The following MAPKAP1 variants were observed in gnomAD, a reference collection of about 807,000 sequenced individuals.
MAPKAP1 encodes the protein target of rapamycin complex 2 subunit MAPKAP1.
A neutral mutation model predicts 65.7 loss-of-function variants in MAPKAP1; 20 were observed. That is an observed-to-expected ratio of 0.30 (90% CI 0.21 to 0.44). The LOEUF is 0.44. Ranked by LOEUF, MAPKAP1 falls within the 20% of genes least tolerant of loss-of-function variation. MAPKAP1 has a pLI of 1.00. For missense variants in MAPKAP1, 423 were observed against 648.0 expected (o/e 0.65, Z 3.77); for synonymous variants, 222 against 244.3 (o/e 0.91, Z 0.85).
At position 125,577,836 on chromosome 9, in the gene MAPKAP1, C is replaced by T. The variant is rs910148270; in HGVS notation, c.671+7719G>A. 2.0e-4 allele frequency among the ~76,000 whole-genome samples: 30 copies of T among 150,732 alleles called. No homozygotes were observed. In the Middle Eastern group the frequency reaches 0.01, roughly 52 times the overall value. On this transcript the variant is annotated intron_variant, in intron 5 of 11. Coordinates refer to ENST00000265960, the MANE Select transcript of MAPKAP1 (RefSeq NM_001006617.3). ...GGGGTCAGCCCCCGGCCCGGCCAAC[C>T]GCCCCGTCCGGGAGCTGAGGGGCGC...
intron 9 of MAPKAP1, among the ~76,000 whole-genome samples, chr9:125,478,757 G>A (rs900415111): frequency 6.6e-6 from 1 of 152,124 alleles, no homozygotes; most frequent in Non-Finnish European, 1.5e-5. Context: ...ACTGAGGTGT[G>A]GGAGAGTTGG....
intron 8 of MAPKAP1, among the ~76,000 whole-genome samples, chr9:125,501,055 A>G (rs754375311): frequency 6.6e-6 from 1 of 152,284 alleles, no homozygotes; most frequent in Non-Finnish European, 1.5e-5. Context: ...TGTCACAAGG[A>G]TTGTTACACT....
At chr9:125,553,808 C>A (rs573829) in intron 6 of MAPKAP1, among the ~76,000 whole-genome samples, 1 of 152,136 alleles carries the variant, frequency 6.6e-6, no homozygotes, top group Non-Finnish European at 1.5e-5. Context: ...AAGCTGAGGT[C>A]AGCAGATCAC....
chr9:125,705,814 G>GA (rs1458836688), intron 1 of MAPKAP1, among the ~76,000 whole-genome samples: 1 of 152,152 alleles, frequency 6.6e-6, no homozygotes, highest in Non-Finnish European at 1.5e-5. Flanking sequence ...GCAAGGTAGG[G>GA]AGAATGTTCT....
chr9:125,438,725 AG>A lies in MAPKAP1; in HGVS notation c.*161del. Reference sequence around the variant, plus strand: ...GGCAATGTCCCCAGCGCTCCCTCCTAGGGGGCCCCCGACACCTTCCCCGAGA... The same window carrying A: ...GGCAATGTCCCCAGCGCTCCCTCCTAGGGGCCCCCGACACCTTCCCCGAGA... On this transcript the variant is annotated 3_prime_UTR_variant, in exon 12 of 12. Transcript: ENST00000265960. The A allele has an allele frequency of 2.3e-6, 2 of 854,940 alleles. No homozygotes were observed. The highest frequency in any genetic ancestry group is 3.6e-6 in the Non-Finnish European group (2 of 552,680). The allele number at this position is 854,940 out of a possible 1,614,324, so 53.0% of individuals were successfully genotyped here. A position where few individuals can be genotyped will look rare whatever the true frequency, so the allele number is the denominator to read the frequency against.
Position 125,660,614 on chromosome 9 carries a change from T to C in MAPKAP1, c.350-2815A>G, listed in dbSNP as rs142765372. 1.3e-3 allele frequency among the ~76,000 whole-genome samples: 196 copies of C among 152,286 alleles called. 1 individual carries two copies. The highest frequency in any genetic ancestry group is 4.5e-3 in the African/African-American group (189 of 41,546). ...GTGTTACCTATCCATAACCAAACTC[T>C]TGATCTTTCCCCAAAGCTCCCACTC... is the stretch of plus-strand genomic sequence containing the variant. On this transcript the variant is annotated intron_variant, in intron 3 of 11. Coordinates refer to ENST00000265960, the MANE Select transcript of MAPKAP1 (RefSeq NM_001006617.3).
intron 1 of MAPKAP1, among the ~76,000 whole-genome samples, chr9:125,687,652 G>A (rs965313227): frequency 1.3e-5 from 2 of 151,742 alleles, no homozygotes; most frequent in Non-Finnish European, 2.9e-5. Context: ...AGGCATGGGG[G>A]CACATGCCTG....
At chr9:125,493,909 A>G (rs1017765617) in intron 8 of MAPKAP1, among the ~76,000 whole-genome samples, 1 of 152,238 alleles carries the variant, frequency 6.6e-6, no homozygotes, top group African/African-American at 2.4e-5. Context: ...ACCCAGGTCT[A>G]ATTCCAAAAT....
At chr9:125,521,728 T>A in intron 7 of MAPKAP1, 1 of 1,612,834 alleles carries the variant, frequency 6.2e-7, no homozygotes, top group East Asian at 2.2e-5. Context: ...AACACAGCCT[T>A]GACAGCCAGT....
At chr9:125,519,628 AATAT>A (rs1829561293) in intron 7 of MAPKAP1, among the ~76,000 whole-genome samples, 1 of 144,636 alleles carries the variant, frequency 6.9e-6, no homozygotes, top group South Asian at 2.2e-4. Flanking sequence ...GACCTTGTCT[AATAT>A]ATATACATAT....
Position 125,672,657 on chromosome 9 carries a change from G to T in MAPKAP1, c.-69-14C>A. 1 of 1,449,434 alleles carries T rather than the reference G, an allele frequency of 6.9e-7. No homozygotes were observed. Among genetic ancestry groups the T allele is most frequent in the Non-Finnish European group, 9.5e-7 (1 of 1,052,252 alleles). The allele number at this position is 1,449,434 out of a possible 1,614,324, so 89.8% of individuals were successfully genotyped here. A position where few individuals can be genotyped will look rare whatever the true frequency, so the allele number is the denominator to read the frequency against. On this transcript the variant is annotated splice_polypyrimidine_tract_variant and intron_variant, in intron 1 of 11. Transcript: ENST00000265960. ...GAGCTCACCTACCTAGAAACATGAT[G>T]TACACAGCAAATATTTAAGAATAAG...
chr9:125,464,674 C>T lies in MAPKAP1; in HGVS notation c.1345+3298G>A, dbSNP rs959638415. ...AGACCCCAGCCTAAGAGGGAGAAGT[C>T]GAGGGGAATGGAAAGAGAGCCACAG... is the stretch of plus-strand genomic sequence containing the variant. On this transcript the variant is annotated intron_variant, in intron 10 of 11. Coordinates refer to ENST00000265960, the MANE Select transcript of MAPKAP1 (RefSeq NM_001006617.3). Among the ~76,000 whole-genome samples the T allele has an allele frequency of 4.6e-5, 7 of 152,086 alleles. 1 individual carries two copies. Among genetic ancestry groups the T allele is most frequent in the African/African-American group, 7.2e-5 (3 of 41,406 alleles).
intron 4 of MAPKAP1, among the ~76,000 whole-genome samples, chr9:125,597,134 G>A (rs948048808): frequency 7.3e-5 from 11 of 151,698 alleles, no homozygotes; most frequent in Non-Finnish European, 1.6e-4. Context: ...GCGTGGTGGT[G>A]GGCGCCTGTA....
chr9:125,702,521 C>T (rs866818716), intron 1 of MAPKAP1, among the ~76,000 whole-genome samples: 4 of 150,852 alleles, frequency 2.7e-5, no homozygotes, highest in Admixed American at 6.6e-5. Context: ...GCAACAAGAG[C>T]GAAACTCCTT....
chr9:125,445,333 A>G (rs1163771105), intron 10 of MAPKAP1, among the ~76,000 whole-genome samples: 1 of 152,214 alleles, frequency 6.6e-6, no homozygotes, highest in Non-Finnish European at 1.5e-5. Flanking sequence ...CCGACAGGCC[A>G]CAGGCTGCCA....
At chr9:125,531,180 AG>A (rs1829923035) in intron 7 of MAPKAP1, among the ~76,000 whole-genome samples, 1 of 152,214 alleles carries the variant, frequency 6.6e-6, no homozygotes, top group Non-Finnish European at 1.5e-5. Flanking sequence ...GAAAGGCAAC[AG>A]CTTCCACTGA....
chr9:125,482,849 A>G (rs576285434), intron 9 of MAPKAP1, among the ~76,000 whole-genome samples: 1 of 152,168 alleles, frequency 6.6e-6, no homozygotes, highest in Non-Finnish European at 1.5e-5. Context: ...AGCCTGCTAG[A>G]ATCACCATCA....
intron 5 of MAPKAP1, among the ~76,000 whole-genome samples, chr9:125,563,219 G>C (rs1022732434): frequency 3.3e-5 from 5 of 152,264 alleles, no homozygotes; most frequent in Admixed American, 2.0e-4. Flanking sequence ...GGAGAGAAAA[G>C]AAAGGGGGCA....
intron 4 of MAPKAP1, among the ~76,000 whole-genome samples, chr9:125,590,480 T>C (rs967971538): frequency 4.6e-5 from 7 of 151,930 alleles, no homozygotes; most frequent in African/African-American, 1.7e-4. Flanking sequence ...TGAAACCCCA[T>C]CTCCACTAAA....
Sources: allele counts gnomAD v4.1 joint callset (sites outside exome capture counted in the v4.1 genomes callset), GRCh38; gene constraint gnomAD v4.1.1; transcripts MANE v1.5; gene names NCBI Gene and HGNC (gene_info 2026-07-23, HGNC 2026-07-21).